Variants in CTNNA3 observed in about 807,000 individuals in gnomAD.
CTNNA3 encodes the protein catenin alpha 3, also known as catenin alpha-3.
A neutral mutation model predicts 95.7 loss-of-function variants in CTNNA3; 76 were observed. That is an observed-to-expected ratio of 0.79 (90% confidence interval 0.66 to 0.96). The LOEUF is 0.96. CTNNA3 is among the 40% of genes least tolerant of loss of function. The pLI, the probability that CTNNA3 is intolerant of heterozygous loss-of-function variation, is 0.00. For missense variants in CTNNA3, 1,191 were observed against 1,089.8 expected (o/e 1.09, Z -1.31); for synonymous variants, 431 against 374.4 (o/e 1.15, Z -1.74).
At chr10:67,297,421 G>T (rs1378157079) in intron 5 of CTNNA3, among the ~76,000 whole-genome samples, 4 of 152,202 alleles carry the variant, frequency 2.6e-5, no homozygotes, top group Non-Finnish European at 5.9e-5. Flanking sequence ...TAGATGTAGT[G>T]CTCAGAGTTC....
chr10:67,480,419 C>T (rs1848173593), intron 5 of CTNNA3, among the ~76,000 whole-genome samples: 1 of 152,226 alleles, frequency 6.6e-6, no homozygotes, highest in South Asian at 2.1e-4. Context: ...AAAATCTCTG[C>T]AGCCCTGTGA....
At chr10:67,310,528 C>T (rs1451832766) in intron 5 of CTNNA3, among the ~76,000 whole-genome samples, 14 of 152,114 alleles carry the variant, frequency 9.2e-5, no homozygotes, top group Admixed American at 7.2e-4. Flanking sequence ...CATATTAGTC[C>T]GTTCTCATGC....
At chr10:67,692,301 G>T (rs1408721338) in intron 1 of CTNNA3, among the ~76,000 whole-genome samples, 3 of 148,822 alleles carry the variant, frequency 2.0e-5, no homozygotes, top group African/African-American at 7.4e-5. Flanking sequence ...ATAGAAAGGG[G>T]GGAAAGGTGG....
intron 5 of CTNNA3, among the ~76,000 whole-genome samples, chr10:67,499,161 T>C (rs1333958365): frequency 6.6e-6 from 1 of 152,250 alleles, no homozygotes; most frequent in Non-Finnish European, 1.5e-5. Context: ...TTGAATTTTG[T>C]TGAAGGCCTT....
At chr10:67,671,193 A>T (rs781342343) in intron 1 of CTNNA3, among the ~76,000 whole-genome samples, 6 of 152,114 alleles carry the variant, frequency 3.9e-5, no homozygotes, top group Admixed American at 6.6e-5. Flanking sequence ...TGCTTTCCCT[A>T]TCAAAAGGAC....
intron 11 of CTNNA3, among the ~76,000 whole-genome samples, chr10:66,443,798 C>T (rs928221253): frequency 1.3e-5 from 2 of 152,148 alleles, no homozygotes; most frequent in Admixed American, 6.5e-5. Flanking sequence ...CAGCTCCTCA[C>T]CAGCAACGGA....
chr10:66,526,734 C>G (rs142698145), intron 10 of CTNNA3, among the ~76,000 whole-genome samples: 1 of 152,064 alleles, frequency 6.6e-6, no homozygotes, highest in Non-Finnish European at 1.5e-5. Flanking sequence ...TGCTTATTGA[C>G]GAACTGTTTA....
intron 1 of CTNNA3, among the ~76,000 whole-genome samples, chr10:67,727,122 AATT>A (rs1841237973): frequency 8.3e-6 from 1 of 120,122 alleles, no homozygotes; most frequent in East Asian, 2.4e-4. Flanking sequence ...TATATGATAT[AATT>A]ATATAATATA....
chr10:66,465,883 C>T (rs1242249614), intron 11 of CTNNA3, among the ~76,000 whole-genome samples: 1 of 152,050 alleles, frequency 6.6e-6, no homozygotes, highest in African/African-American at 2.4e-5. Context: ...CACCCAAATA[C>T]ATTATAGATG....
At chr10:66,729,110 T>A (rs4746635) in intron 9 of CTNNA3, among the ~76,000 whole-genome samples, 3 of 151,972 alleles carry the variant, frequency 2.0e-5, no homozygotes, top group Non-Finnish European at 4.4e-5. Flanking sequence ...TTGGTTTACA[T>A]GTCTGTTCTT....
chr10:66,763,307 A>AACAC (rs138081667), intron 9 of CTNNA3, among the ~76,000 whole-genome samples: 34 of 145,336 alleles, frequency 2.3e-4, no homozygotes, highest in South Asian at 4.5e-4. Context: ...TCATGAGATA[A>AACAC]ACACACACAC....
intron 7 of CTNNA3, among the ~76,000 whole-genome samples, chr10:67,105,235 TGATA>T (rs56678810): frequency 3.4e-4 from 51 of 150,634 alleles, no homozygotes; most frequent in South Asian, 1.1e-3. Context: ...ACATATTAAA[TGATA>T]GATAGATAGA....
intron 5 of CTNNA3, among the ~76,000 whole-genome samples, chr10:67,514,356 T>A (rs964873015): frequency 2.0e-5 from 3 of 152,170 alleles, no homozygotes; most frequent in African/African-American, 7.2e-5. Context: ...AAAGATTCTT[T>A]ACTTGGTTTA....
chr10:66,789,035 T>C (rs902627151), intron 7 of CTNNA3, among the ~76,000 whole-genome samples: 22 of 152,334 alleles, frequency 1.4e-4, no homozygotes, highest in Non-Finnish European at 2.9e-4. Flanking sequence ...AGTTTTAATT[T>C]AGTAAGATCT....
At chr10:67,338,707 A>C (rs1842077164) in intron 5 of CTNNA3, among the ~76,000 whole-genome samples, 1 of 152,196 alleles carries the variant, frequency 6.6e-6, no homozygotes, top group Admixed American at 6.5e-5. Flanking sequence ...AATTGTGTAT[A>C]AGCAAACTGC....
chr10:67,004,713 G>A (rs768471969), intron 7 of CTNNA3, among the ~76,000 whole-genome samples: 44 of 152,132 alleles, frequency 2.9e-4, no homozygotes, highest in Admixed American at 2.0e-3. Context: ...TATACTCACT[G>A]ATAAATGCCT....
chr10:67,205,413 T>C (rs1323435037), intron 6 of CTNNA3, among the ~76,000 whole-genome samples: 1 of 152,176 alleles, frequency 6.6e-6, no homozygotes, highest in Non-Finnish European at 1.5e-5. Flanking sequence ...TATTTAGTTC[T>C]TATTTACCCA....
chr10:67,671,631 T>TGATG (rs1840436202), intron 1 of CTNNA3, among the ~76,000 whole-genome samples: 2 of 151,650 alleles, frequency 1.3e-5, no homozygotes, highest in South Asian at 4.2e-4. Context: ...GTCCTTGCGA[T>TGATG]AGTTTGCTGA....
At chr10:67,335,561 C>T (rs1315727253) in intron 5 of CTNNA3, among the ~76,000 whole-genome samples, 1 of 152,116 alleles carries the variant, frequency 6.6e-6, no homozygotes, top group Non-Finnish European at 1.5e-5. Context: ...ACTGATTCAC[C>T]AAAACTTGGG....
Sources: gnomAD v4.1 joint callset for allele counts (sites outside exome capture counted in the v4.1 genomes callset) on GRCh38, gnomAD v4.1.1 for gene constraint, MANE v1.5 for transcripts, NCBI Gene and HGNC (gene_info 2026-07-23, HGNC 2026-07-21) for gene names.